RBBP8: variants seen among roughly 807,000 people sequenced by gnomAD.
The protein encoded by RBBP8 is RB binding protein 8, endonuclease, also known as DNA endonuclease RBBP8.
A neutral mutation model predicts 108.3 loss-of-function variants in RBBP8; 88 were observed. That is an observed-to-expected ratio of 0.81 (90% CI 0.68 to 0.97). The LOEUF (loss-of-function observed/expected upper bound fraction) is 0.97, where lower values mean the gene tolerates loss of function less well. Ranked by LOEUF, RBBP8 falls within the 50% of genes least tolerant of loss-of-function variation. RBBP8 has a pLI of 0.00. For synonymous variants in RBBP8, 332 were observed against 348.2 expected, an observed-to-expected ratio of 0.95 and a Z score of 0.52; for missense variants, 1,023 against 1,049.0, an observed-to-expected ratio of 0.98 and a Z score of 0.34.
At chr18:22,985,569 G>A (rs766051975) in intron 8 of RBBP8, among the ~76,000 whole-genome samples, 4 of 152,120 alleles carry the variant, frequency 2.6e-5, no homozygotes, top group African/African-American at 4.8e-5. Context: ...TGTGTGGCTG[G>A]AGCAGAGTGA....
At chr18:22,916,294 C>T (rs1361859863) in intron 2 of RBBP8, among the ~76,000 whole-genome samples, 8 of 151,980 alleles carry the variant, frequency 5.3e-5, no homozygotes, top group Non-Finnish European at 1.2e-4. Context: ...GTGTTTTCCA[C>T]TAAAAGCACT....
At chr18:22,927,398 T>C (rs1437442433) in intron 3 of RBBP8, among the ~76,000 whole-genome samples, 2 of 152,110 alleles carry the variant, frequency 1.3e-5, no homozygotes, top group Admixed American at 6.6e-5. Context: ...AAACGAAGAA[T>C]TGGATACCCA....
At chr18:22,941,207 T>A (rs1302410543) in intron 2 of RBBP8, among the ~76,000 whole-genome samples, 25 of 152,040 alleles carry the variant, frequency 1.6e-4, no homozygotes, top group Admixed American at 1.6e-3. Context: ...AGTCTCACTC[T>A]GTCACCCAGG....
At chr18:22,985,133 A>G in intron 8 of RBBP8, 143 bp downstream of exon 8, 1 of 1,123,822 alleles carries the variant, frequency 8.9e-7, no homozygotes, top group Non-Finnish European at 1.2e-6. Flanking sequence ...TATCTTTTTC[A>G]TATTGGAAAG....
intron 2 of RBBP8, among the ~76,000 whole-genome samples, chr18:22,938,510 A>G (rs968276309): frequency 1.3e-5 from 2 of 152,032 alleles, no homozygotes; most frequent in African/African-American, 4.8e-5. Context: ...GGACATTTAC[A>G]ATTGTAGTTT....
intron 6 of RBBP8, among the ~76,000 whole-genome samples, chr18:22,979,017 C>G (rs1386551475): frequency 6.6e-6 from 1 of 152,188 alleles, no homozygotes; most frequent in Non-Finnish European, 1.5e-5. Flanking sequence ...CCTGTAGTCT[C>G]AGCACTTTGG....
In RBBP8 at chr18:22,919,266, C is replaced by G. The variant is rs566556372; in HGVS notation, c.-154+2240C>G. ...TTAACTAAAAAGAGGTCAATTGACA[C>G]ATCTTCCAATGAATGAATAAAGAGC... On this transcript the variant is annotated intron_variant, in intron 3 of 4. Coordinates refer to the RBBP8 transcript ENST00000577588. 7.2e-5 allele frequency among the ~76,000 whole-genome samples: 11 copies of G among 152,232 alleles called. No homozygotes were observed. The East Asian group carries it at 1.7e-3, about 24-fold the overall frequency.
chr18:23,010,671 G>A (rs2046142470), intron 16 of RBBP8, among the ~76,000 whole-genome samples: 1 of 152,160 alleles, frequency 6.6e-6, no homozygotes, highest in Non-Finnish European at 1.5e-5. Flanking sequence ...ATATGTATGA[G>A]TAGTTTTATT....
intron 6 of RBBP8, among the ~76,000 whole-genome samples, chr18:22,979,040 G>T (rs151098221): frequency 2.0e-5 from 3 of 152,174 alleles, no homozygotes; most frequent in Admixed American, 6.5e-5. Context: ...GGCCAAGGTG[G>T]GCAGATCACT....
chr18:23,020,322 G>A (rs1171560863), intron 17 of RBBP8, among the ~76,000 whole-genome samples: 1 of 151,996 alleles, frequency 6.6e-6, no homozygotes, highest in Admixed American at 6.6e-5. Flanking sequence ...TCTGGAGGCT[G>A]AGGCAGGAAA....
chr18:22,992,748 A>ATTTTCAGATT lies in RBBP8; in HGVS notation c.922_931dup (p.Ser311PhefsTer28). On this transcript the variant is annotated frameshift_variant and splice_region_variant, in exon 11 of 19. Transcript: ENST00000327155. LOFTEE classifies it high-confidence loss of function. ...AGAATTGTTATCACTCTTTATTTAGATTTTCAGATTCTACTTCAAAGACTC... is the reference window on the plus strand; with the variant it reads ...AGAATTGTTATCACTCTTTATTTAGATTTTCAGATTTTTTCAGATTCTACTTCAAAGACTC... 1 of 1,578,076 alleles carries ATTTTCAGATT rather than the reference A, an allele frequency of 6.3e-7. No homozygotes were observed. The highest frequency in any genetic ancestry group is 8.7e-7 in the Non-Finnish European group (1 of 1,147,808).
At chr18:22,987,012 T>G (rs921180650) in intron 8 of RBBP8, among the ~76,000 whole-genome samples, 2 of 152,224 alleles carry the variant, frequency 1.3e-5, no homozygotes, top group Non-Finnish European at 2.9e-5. Context: ...GGCTTATTCT[T>G]AAGTATATAC....
intron 16 of RBBP8, among the ~76,000 whole-genome samples, chr18:23,016,382 T>C (rs1568004742): frequency 6.6e-6 from 1 of 151,946 alleles, no homozygotes; most frequent in Non-Finnish European, 1.5e-5. Flanking sequence ...CCATCTCTAC[T>C]AAAAATAAAA....
At chr18:23,019,906 C>A (rs8089942) in intron 17 of RBBP8, among the ~76,000 whole-genome samples, 73,836 of 150,554 alleles carry the variant, frequency 0.49, 21,364 homozygotes, top group Middle Eastern at 0.66. Flanking sequence ...GGACTACAGG[C>A]GCCTGCCACC....
intron 1 of RBBP8, chr18:22,914,323 A>T (rs962357134): frequency 6.6e-6 from 1 of 152,198 alleles, no homozygotes; most frequent in Non-Finnish European, 1.5e-5. Flanking sequence ...ATATTTTTAA[A>T]ATTTCTCAGT....
At chr18:22,989,870 T>C (rs1175209111) in intron 9 of RBBP8, among the ~76,000 whole-genome samples, 3 of 152,124 alleles carry the variant, frequency 2.0e-5, no homozygotes, top group African/African-American at 4.8e-5. Context: ...GTCTCAACTG[T>C]GTTGCCCAGG....
chr18:22,967,163 G>A (rs570229732), intron 4 of RBBP8, among the ~76,000 whole-genome samples: 71 of 152,168 alleles, frequency 4.7e-4, no homozygotes, highest in African/African-American at 1.2e-3. Flanking sequence ...TTGGGAGATC[G>A]AGACCATCCT....
chr18:22,933,636 G>A (rs956995822), intron 1 of RBBP8, 72 bp downstream of exon 1: 2 of 152,822 alleles, frequency 1.3e-5, no homozygotes, highest in Admixed American at 6.5e-5. Flanking sequence ...CTGGAGCTGC[G>A]TGCTTGGCGA....
At chr18:22,993,678 T>G in intron 11 of RBBP8, 39 bp downstream of exon 11, 1 of 1,614,220 alleles carries the variant, frequency 6.2e-7, no homozygotes, top group African/African-American at 1.3e-5. Flanking sequence ...TTAAAATGAT[T>G]GCTTGTGATT....
Sources: gnomAD v4.1 joint callset for allele counts (sites outside exome capture counted in the v4.1 genomes callset) on GRCh38, gnomAD v4.1.1 for gene constraint, MANE v1.5 for transcripts, NCBI Gene and HGNC (gene_info 2026-07-23, HGNC 2026-07-21) for gene names.